Variants in ZFAT observed in about 807,000 individuals in gnomAD.
ZFAT encodes zinc finger and AT-hook domain containing, also known as zinc finger protein ZFAT.
Under a neutral mutation model 117.7 loss-of-function variants are expected in ZFAT, and 64 were observed. That is an observed-to-expected ratio of 0.54 (90% CI 0.44 to 0.67). The LOEUF is 0.67. Among genes scored for constraint, ZFAT ranks in the 30% least tolerant of loss-of-function variants. ZFAT has a pLI of 0.00. For missense variants in ZFAT, 1,433 were observed against 1,584.5 expected, an observed-to-expected ratio of 0.90 and a Z score of 1.62; for synonymous variants, 679 against 615.0, an observed-to-expected ratio of 1.10 and a Z score of -1.54.
the ZFAT span, among the ~76,000 whole-genome samples, chr8:134,808,516 A>T: frequency 6.6e-6 from 1 of 152,322 alleles, no homozygotes; most frequent in South Asian, 2.1e-4. Context: ...GGTGACTCTG[A>T]AGACATCTAA....
intron 2 of ZFAT, among the ~76,000 whole-genome samples, chr8:134,647,298 G>A (rs1266521744): frequency 1.3e-5 from 2 of 152,052 alleles, no homozygotes; most frequent in African/African-American, 4.8e-5. Flanking sequence ...TAAGTATGGG[G>A]AAAAGTTTGA....
chr8:134,650,483 G>C (rs1335227922), intron 2 of ZFAT, among the ~76,000 whole-genome samples: 1 of 152,132 alleles, frequency 6.6e-6, no homozygotes, highest in African/African-American at 2.4e-5. Flanking sequence ...AGCAGTTTGA[G>C]AATGGACTAA....
intron 12 of ZFAT, among the ~76,000 whole-genome samples, chr8:134,525,011 C>T (rs1820923796): frequency 6.6e-6 from 1 of 152,360 alleles, no homozygotes; most frequent in Admixed American, 6.5e-5. Flanking sequence ...AGTAACCCTA[C>T]TGAGGTCACA....
chr8:134,739,675 G>A, the ZFAT span, among the ~76,000 whole-genome samples: 2 of 152,212 alleles, frequency 1.3e-5, no homozygotes, highest in Admixed American at 6.5e-5. Context: ...ACTCTAGGAA[G>A]AGAGATAAAC....
At chr8:134,741,514 T>G in the ZFAT span, among the ~76,000 whole-genome samples, 1 of 152,230 alleles carries the variant, frequency 6.6e-6, no homozygotes, top group Admixed American at 6.5e-5. Context: ...ACTGTCCACC[T>G]CAGTTGGCTT....
Position 134,712,959 on chromosome 8 carries a change from C to T in ZFAT, c.-96G>A. 3.7e-6 allele frequency: 5 copies of T among 1,356,574 alleles called. No individual in the cohort carries two copies. Among genetic ancestry groups the T allele is most frequent in the Non-Finnish European group, 3.9e-6 (4 of 1,030,566 alleles). 84.0% of individuals were successfully genotyped at this position (1,356,574 alleles called of 1,614,324 possible). A position where few individuals can be genotyped will look rare whatever the true frequency, so the allele number is the denominator to read the frequency against. On this transcript the variant is annotated 5_prime_UTR_variant, in exon 1 of 16. Coordinates refer to ENST00000377838, the MANE Select transcript of ZFAT (RefSeq NM_020863.4). Reference sequence around the variant, plus strand: ...GGCGGGGCGCCCTGCTGACGCTTCGCTTTTTATTTTTATTTTTTTAAGAAA... The same window carrying T: ...GGCGGGGCGCCCTGCTGACGCTTCGTTTTTTATTTTTATTTTTTTAAGAAA...
intron 11 of ZFAT, among the ~76,000 whole-genome samples, chr8:134,536,369 C>A (rs1821840534): frequency 6.6e-6 from 1 of 152,168 alleles, no homozygotes. Flanking sequence ...TCACTGCTGA[C>A]CAGTGCAGGG....
rs1819938606 is a variant in ZFAT, at chr8:134,512,576, G to A, written c.3260C>T (p.Pro1087Leu). The change falls in exon 14 of 16, where the codon CCC becomes CTC. Residue 1087 changes from proline to leucine, a missense_variant. By Grantham distance (98) the Pro-to-Leu change is moderately conservative. This residue lies in a region of ZFAT where 503 missense variants were observed against 543.4 expected (regional missense o/e 0.93). Coordinates refer to ENST00000377838, the MANE Select transcript of ZFAT (RefSeq NM_020863.4). ...TGTGATGTGGAGATACTGGGTGGAG[G>A]GCTCCTCAGGAGCTTCTGTTGCTGT... ...WETATEAPEE[P>L]STQYLHITEA... 3.1e-6 allele frequency: 5 copies of A among 1,613,624 alleles called. No homozygotes were observed. The highest frequency in any genetic ancestry group is 2.2e-5 in the East Asian group (1 of 44,896).
At chr8:134,756,645 G>A in the ZFAT span, among the ~76,000 whole-genome samples, 2 of 152,352 alleles carry the variant, frequency 1.3e-5, no homozygotes, top group African/African-American at 4.8e-5. Context: ...TCTGGGAACT[G>A]TGGTCAGTGG....
intron 1 of ZFAT, among the ~76,000 whole-genome samples, chr8:134,709,858 G>A (rs867441043): frequency 1.3e-5 from 2 of 152,064 alleles, no homozygotes; most frequent in Non-Finnish European, 2.9e-5. Flanking sequence ...GCGGTAAGAC[G>A]GCTCCAATTC....
intron 5 of ZFAT, among the ~76,000 whole-genome samples, chr8:134,605,736 A>T (rs1190736288): frequency 6.6e-6 from 1 of 152,182 alleles, no homozygotes; most frequent in African/African-American, 2.4e-5. Flanking sequence ...AACATAGGGA[A>T]CTAGTTTGTT....
At chr8:134,611,616 C>A (rs1828336148) in intron 3 of ZFAT, among the ~76,000 whole-genome samples, 1 of 152,202 alleles carries the variant, frequency 6.6e-6, no homozygotes, top group Non-Finnish European at 1.5e-5. Context: ...CAAGTTCCCA[C>A]AGAGGACCAG....
chr8:134,621,455 A>C (rs1829098282), intron 3 of ZFAT, among the ~76,000 whole-genome samples: 1 of 152,138 alleles, frequency 6.6e-6, no homozygotes, highest in Admixed American at 6.5e-5. Context: ...TGTACATGGC[A>C]TGTGTTTTTA....
chr8:134,673,459 G>C, intron 1 of ZFAT: 1 of 213,632 alleles, frequency 4.7e-6, no homozygotes, highest in South Asian at 9.4e-5. Flanking sequence ...TTAACAGATA[G>C]GATCCTTCTG....
intron 13 of ZFAT, among the ~76,000 whole-genome samples, chr8:134,516,563 G>T (rs777444789): frequency 1.3e-5 from 2 of 152,168 alleles, no homozygotes; most frequent in Non-Finnish European, 2.9e-5. Flanking sequence ...GGCTGGGTAT[G>T]GTGGCTCACA....
Position 134,557,167 on chromosome 8 carries a change from A to C in ZFAT, c.2976+8166T>G, listed in dbSNP as rs181847851. Among the ~76,000 whole-genome samples, 1,135 of 152,186 alleles carry C rather than the reference A, an allele frequency of 7.5e-3. 20 individuals are homozygous for C. The highest frequency in any genetic ancestry group is 0.026 in the African/African-American group (1,062 of 41,448). On this transcript the variant is annotated intron_variant, in intron 11 of 15. Transcript: ENST00000377838. ...AATATTTGAAACTAGAATATGTTGT[A>C]ACAAAGATAAGTTAAGGTCTACAGC...
chr8:134,773,952 G>A, the ZFAT span, among the ~76,000 whole-genome samples: 1 of 146,912 alleles, frequency 6.8e-6, no homozygotes, highest in Non-Finnish European at 1.5e-5. Context: ...CATCAACTTG[G>A]TTAATAAAGT....
At chr8:134,538,089 T>C (rs558919863) in intron 11 of ZFAT, among the ~76,000 whole-genome samples, 1 of 152,110 alleles carries the variant, frequency 6.6e-6, no homozygotes, top group Non-Finnish European at 1.5e-5. Flanking sequence ...GTCCTAAGAC[T>C]GAATGTGGCC....
intron 2 of ZFAT, 82 bp from the exon 3 acceptor site, chr8:134,637,794 A>G: frequency 6.6e-7 from 1 of 1,523,114 alleles, no homozygotes. Flanking sequence ...GTGTGAGGAT[A>G]TGTTCAGGTT....
Sources: gnomAD v4.1 joint callset for allele counts (sites outside exome capture counted in the v4.1 genomes callset) on GRCh38, gnomAD v4.1.1 for gene constraint, gnomAD v4.1.1 regional missense constraint, MANE v1.5 for transcripts, NCBI Gene and HGNC (gene_info 2026-07-23, HGNC 2026-07-21) for gene names.